Variants in MAP4 observed in about 807,000 individuals in gnomAD.
The protein encoded by MAP4 is microtubule-associated protein 4.
In MAP4, 76 loss-of-function variants were observed where a neutral mutation model predicts 170.2. The ratio of observed to expected loss-of-function variants is 0.45; its 90% CI spans 0.37 to 0.54. The LOEUF (loss-of-function observed/expected upper bound fraction) is 0.54, where lower values mean the gene tolerates loss of function less well. MAP4 is among the 20% of genes least tolerant of loss of function. The probability of loss-of-function intolerance (pLI) is 0.00; values close to 1 mark genes in which losing one functional copy is unlikely to be tolerated. For synonymous variants in MAP4, 909 were observed against 994.5 expected (o/e 0.91, Z 1.62); for missense variants, 2,506 against 2,748.0 (o/e 0.91, Z 1.97).
chr3:47,882,899 C>T (rs2096990361), intron 10 of MAP4, among the ~76,000 whole-genome samples: 1 of 152,084 alleles, frequency 6.6e-6, no homozygotes, highest in Non-Finnish European at 1.5e-5. Context: ...CTCTGCCTCC[C>T]AGGTTCAAGT....
intron 1 of MAP4, among the ~76,000 whole-genome samples, chr3:48,012,855 C>CT (rs1559792005): frequency 3.3e-5 from 5 of 152,140 alleles, no homozygotes; most frequent in Non-Finnish European, 4.4e-5. Context: ...TTAAGCTATT[C>CT]TTTACTTGTC....
chr3:47,856,509 C>T lies in MAP4; in HGVS notation c.6583+922G>A, dbSNP rs1018118012. Among the ~76,000 whole-genome samples the T allele has an allele frequency of 5.9e-5, 9 of 151,602 alleles. No homozygotes were observed. In the East Asian group the frequency reaches 1.7e-3, roughly 29 times the overall value. ...TCGCTCTGTTGCTCAGGCTGGAGTG[C>T]AGTGCCATACTCTCGCCTCACTGTA... On this transcript the variant is annotated intron_variant, in intron 18 of 20. Coordinates refer to ENST00000683076, the MANE Select transcript of MAP4 (RefSeq NM_001385682.1).
At chr3:47,914,062 G>C (rs537630737) in intron 8 of MAP4, among the ~76,000 whole-genome samples, 4 of 152,288 alleles carry the variant, frequency 2.6e-5, no homozygotes, top group African/African-American at 9.6e-5. Flanking sequence ...ATTTCTACCA[G>C]CCTCTCAGGT....
At chr3:47,897,941 C>T (rs1441069629) in intron 10 of MAP4, among the ~76,000 whole-genome samples, 1 of 119,332 alleles carries the variant, frequency 8.4e-6, no homozygotes, top group Non-Finnish European at 1.6e-5. Flanking sequence ...GACTCCATAT[C>T]GGGGGGGGGA....
chr3:47,948,976 A>G (rs540198620), intron 3 of MAP4, among the ~76,000 whole-genome samples: 2 of 152,308 alleles, frequency 1.3e-5, no homozygotes, highest in African/African-American at 4.8e-5. Context: ...GCCACTCAGA[A>G]TTCTACATTA....
chr3:47,862,207 A>G (rs1304555920), intron 17 of MAP4, among the ~76,000 whole-genome samples: 1 of 151,004 alleles, frequency 6.6e-6, no homozygotes, highest in Non-Finnish European at 1.5e-5. Context: ...CATGAAACAG[A>G]TGTAGTTTCT....
chr3:47,939,266 C>T (rs1282650461), intron 3 of MAP4, among the ~76,000 whole-genome samples: 1 of 152,116 alleles, frequency 6.6e-6, no homozygotes, highest in Non-Finnish European at 1.5e-5. Flanking sequence ...ACATGTTTTC[C>T]TGTTAGTCTT....
At chr3:48,014,417 T>C (rs1003387080) in intron 1 of MAP4, among the ~76,000 whole-genome samples, 2 of 152,140 alleles carry the variant, frequency 1.3e-5, no homozygotes, top group African/African-American at 4.8e-5. Context: ...GGTGCTACTA[T>C]GGGAGCTAAA....
At chr3:47,976,643 A>G (rs932608545) in intron 3 of MAP4, among the ~76,000 whole-genome samples, 3 of 152,258 alleles carry the variant, frequency 2.0e-5, no homozygotes, top group Non-Finnish European at 4.4e-5. Context: ...CAGAAAGTCA[A>G]TACTACATTT....
intron 11 of MAP4, 121 bp downstream of exon 11, chr3:47,877,296 T>C (rs1328630475): frequency 1.4e-6 from 1 of 731,154 alleles, no homozygotes; most frequent in Non-Finnish European, 2.4e-6. Context: ...TGTCCAAACA[T>C]GAGGAAGGAC....
chr3:48,032,301 C>T (rs920448284), intron 1 of MAP4, among the ~76,000 whole-genome samples: 1 of 151,876 alleles, frequency 6.6e-6, no homozygotes, highest in Non-Finnish European at 1.5e-5. Flanking sequence ...TCGCGAGCGG[C>T]CTGGCCAACA....
At chr3:48,052,366 G>A (rs539844681) in intron 1 of MAP4, among the ~76,000 whole-genome samples, 2 of 152,218 alleles carry the variant, frequency 1.3e-5, no homozygotes, top group African/African-American at 4.8e-5. Context: ...GATTATAGGC[G>A]TGCACTATCA....
intron 3 of MAP4, among the ~76,000 whole-genome samples, chr3:47,937,074 G>C (rs1577955731): frequency 6.6e-6 from 1 of 150,696 alleles, no homozygotes; most frequent in East Asian, 1.9e-4. Flanking sequence ...GTGACCTTAA[G>C]ACTGTTAGAG....
rs568396919 is a variant in MAP4 at position 47,966,312 on chromosome 3, A to G, written c.292+11553T>C. On this transcript the variant is annotated intron_variant, in intron 3 of 20. Transcript: ENST00000683076. Reference sequence around the variant, plus strand: ...GCCCAGGCTGAAGTGCAGTGGCGCAATCTTGGCTTATGTAAGCTCTGCCTC... The same window carrying G: ...GCCCAGGCTGAAGTGCAGTGGCGCAGTCTTGGCTTATGTAAGCTCTGCCTC... 2.2e-5 allele frequency among the ~76,000 whole-genome samples: 3 copies of G among 133,918 alleles called. No individual in the cohort carries two copies. In the East Asian group the frequency reaches 7.0e-4, roughly 31 times the overall value. The allele number at this position is 133,918 out of a possible 152,430, so 87.9% of individuals were successfully genotyped here.
At position 47,911,615 on chromosome 3, in the gene MAP4, C is replaced by T; in HGVS notation, c.2806G>A (p.Val936Ile). The T allele has an allele frequency of 1.3e-6, 2 of 1,536,140 alleles. No individual in the cohort carries two copies. The highest frequency in any genetic ancestry group is 8.7e-7 in the Non-Finnish European group (1 of 1,146,920). Residue 936 changes from valine (V) to isoleucine (I), a missense_variant, in exon 9 of 21, where the codon GTA (valine) becomes ATA (isoleucine). Physicochemically the swap from Val to Ile is conservative, Grantham distance 29. Coordinates refer to ENST00000683076, the MANE Select transcript of MAP4 (RefSeq NM_001385682.1). The surrounding 1 kb of genome is among the most constrained non-coding windows in gnomAD (Gnocchi z 4.0). ...AGTCTGATATCCAAAGGGGTTTCTA[C>T]ATTGTATGCAGAAACTTCTGCTAGG... ...GPLAEVSAYN[V>I]ETPLDIRLKE...
rs534519181 is a variant in MAP4, at chr3:48,055,773, A to G, written c.-20+33000T>C. ...TAGGAAGTGAGGAGCGCCTCTTCCC[A>G]GCCGCCATCACATCTAGGAAGTGAG... On this transcript the variant is annotated intron_variant, in intron 1 of 18. Transcript: ENST00000360240. Among the ~76,000 whole-genome samples the G allele has an allele frequency of 1.1e-3, 132 of 121,924 alleles. No individual in the cohort carries two copies. In the Middle Eastern group the frequency reaches 0.012, roughly 11 times the overall value. 80.0% of individuals were successfully genotyped at this position (121,924 alleles called of 152,430 possible).
chr3:47,856,240 G>A (rs2056122894), intron 18 of MAP4, among the ~76,000 whole-genome samples: 1 of 152,174 alleles, frequency 6.6e-6, no homozygotes, highest in Admixed American at 6.5e-5. Flanking sequence ...ACAGCTTCTG[G>A]CCGAGGTCTC....
chr3:48,084,013 T>C (rs1467452364), intron 1 of MAP4, among the ~76,000 whole-genome samples: 3 of 151,876 alleles, frequency 2.0e-5, no homozygotes, highest in Non-Finnish European at 2.9e-5. Context: ...GCATGAGCCA[T>C]CATGCCCAAG....
chr3:47,939,300 TAAGTA>T (rs962782507), intron 3 of MAP4, among the ~76,000 whole-genome samples: 1 of 151,646 alleles, frequency 6.6e-6, no homozygotes, highest in African/African-American at 2.4e-5. Flanking sequence ...AAAAAGCCTT[TAAGTA>T]TTCTATTTAT....
Sources: gnomAD v4.1 joint callset for allele counts (sites outside exome capture counted in the v4.1 genomes callset) on GRCh38, gnomAD v4.1.1 for gene constraint, Gnocchi (gnomAD v3.1) non-coding constraint, MANE v1.5 for transcripts, NCBI Gene and HGNC (gene_info 2026-07-23, HGNC 2026-07-21) for gene names.